The following COL9A1 variants were observed in gnomAD, a reference collection of about 807,000 sequenced individuals.
COL9A1 encodes collagen alpha-1(IX) chain.
A neutral mutation model predicts 142.6 loss-of-function variants in COL9A1; 104 were observed. The observed-to-expected ratio is 0.73, with a 90% CI of 0.62 to 0.86. The LOEUF (loss-of-function observed/expected upper bound fraction) is 0.86. Ranked by LOEUF, COL9A1 falls within the 40% of genes least tolerant of loss-of-function variation. The pLI is 0.00. For synonymous variants in COL9A1, 466 were observed against 396.0 expected (o/e 1.18, Z -2.10); for missense variants, 1,210 against 1,176.6 (o/e 1.03, Z -0.42).
chr6:70,259,134 G>A (rs1397784033), intron 20 of COL9A1, among the ~76,000 whole-genome samples: 1 of 151,422 alleles, frequency 6.6e-6, no homozygotes, highest in Non-Finnish European at 1.5e-5. Flanking sequence ...AAACAGCCTG[G>A]AAAAAAAACA....
At chr6:70,221,167 C>T (rs1768859386) in intron 37 of COL9A1, among the ~76,000 whole-genome samples, 1 of 152,100 alleles carries the variant, frequency 6.6e-6, no homozygotes, top group African/African-American at 2.4e-5. Context: ...TCATGTTACA[C>T]TGATGGAAGC....
Position 70,268,930 on chromosome 6 carries a change from T to A in COL9A1, c.1231-70A>T. 7 of 1,345,498 alleles carry A rather than the reference T, an allele frequency of 5.2e-6. No individual in the cohort carries two copies. The Middle Eastern group carries it at 1.3e-3, about 242-fold the overall frequency. 83.3% of individuals were successfully genotyped at this position (1,345,498 alleles called of 1,614,324 possible). A position where few individuals can be genotyped will look rare whatever the true frequency, so the allele number is the denominator to read the frequency against. On this transcript the variant is annotated intron_variant, in intron 16 of 37. Coordinates refer to ENST00000357250, the MANE Select transcript of COL9A1 (RefSeq NM_001851.6). ...TGCATAAACTAGGACTCCCGCTTTG[T>A]GACAGTATCTTTTTTAAGGGATTCC...
At chr6:70,256,876 G>T in intron 20 of COL9A1, 55 bp from the exon 21 acceptor site, 2 of 1,529,918 alleles carry the variant, frequency 1.3e-6, no homozygotes, top group Admixed American at 3.4e-5. Context: ...TATGTTAAAG[G>T]AAGCATCCAT....
At chr6:70,288,649 G>A (rs1773545992) in intron 5 of COL9A1, among the ~76,000 whole-genome samples, 1 of 152,086 alleles carries the variant, frequency 6.6e-6, no homozygotes, top group Non-Finnish European at 1.5e-5. Context: ...GGAGTTCTCA[G>A]ACATCACACA....
chr6:70,301,137 G>C (rs1774045846), intron 2 of COL9A1, among the ~76,000 whole-genome samples: 1 of 152,168 alleles, frequency 6.6e-6, no homozygotes, highest in Non-Finnish European at 1.5e-5. Flanking sequence ...ATGGAATTGT[G>C]TTCTCCTTAC....
intron 37 of COL9A1, 65 bp from the exon 38 acceptor site, chr6:70,217,146 G>A (rs1242348315): frequency 3.3e-6 from 5 of 1,531,730 alleles, no homozygotes; most frequent in East Asian, 4.5e-5. Flanking sequence ...CTGGCAGAGG[G>A]CATGGCTCAG....
At chr6:70,263,175 A>T in intron 19 of COL9A1, 69 bp downstream of exon 19, 1 of 1,272,084 alleles carries the variant, frequency 7.9e-7, no homozygotes, top group Non-Finnish European at 1.1e-6. Flanking sequence ...AATAGAAAAT[A>T]TTCCAACAGT....
chr6:70,279,967 A>T (rs202044035), intron 10 of COL9A1: 156 of 686,190 alleles, frequency 2.3e-4, no homozygotes, highest in Non-Finnish European at 2.5e-4. Context: ...AACAGACGCC[A>T]TTTCTTACTT....
chr6:70,271,606 T>A, intron 14 of COL9A1, 49 bp downstream of exon 14: 1 of 1,560,410 alleles, frequency 6.4e-7, no homozygotes, highest in African/African-American at 1.4e-5. Flanking sequence ...CCAAATAACA[T>A]CTTCTATTAA....
chr6:70,255,523 C>T, intron 21 of COL9A1, 133 bp from the exon 22 acceptor site: 1 of 772,896 alleles, frequency 1.3e-6, no homozygotes, highest in Non-Finnish European at 2.2e-6. Flanking sequence ...TCAAGGAAGC[C>T]TAGATGAAGA....
chr6:70,267,319 G>GTTTTTTTTTTTTT (rs1050364230), intron 17 of COL9A1, among the ~76,000 whole-genome samples: 2,184 of 98,946 alleles, frequency 0.022, 105 homozygotes, highest in Non-Finnish European at 0.038. Context: ...TGTTTGTTTG[G>GTTTTTTTTTTTTT]TTTTTTTGTT....
chr6:70,300,288 ATAGGG>A lies in COL9A1; in HGVS notation c.166+16_166+20del. 1 of 1,610,452 alleles carries A rather than the reference ATAGGG, an allele frequency of 6.2e-7. No individual in the cohort carries two copies. The highest frequency in any genetic ancestry group is 8.5e-7 in the Non-Finnish European group (1 of 1,176,778). On this transcript the variant is annotated intron_variant, in intron 3 of 37. Coordinates refer to ENST00000357250, the MANE Select transcript of COL9A1 (RefSeq NM_001851.6). Reference sequence around the variant, plus strand: ...GGTTTATAGAAAGCATGCATTTTCAATAGGGTACATTGCTACTCACCTGGTAAGTC... The same window carrying A: ...GGTTTATAGAAAGCATGCATTTTCAATACATTGCTACTCACCTGGTAAGTC...
At chr6:70,245,432 G>A (rs900863918) in intron 28 of COL9A1, among the ~76,000 whole-genome samples, 15 of 152,224 alleles carry the variant, frequency 9.9e-5, no homozygotes, top group Admixed American at 7.2e-4. Context: ...AGGCGTAAAC[G>A]GGTTACCCAT....
At chr6:70,221,344 G>GT (rs1324375194) in intron 37 of COL9A1, among the ~76,000 whole-genome samples, 7 of 152,138 alleles carry the variant, frequency 4.6e-5, no homozygotes, top group Non-Finnish European at 1.5e-5. Context: ...TGTACCAGGA[G>GT]TTTCTTATAT....
At chr6:70,254,795 A>G in intron 24 of COL9A1, 168 bp downstream of exon 24, 2 of 742,226 alleles carry the variant, frequency 2.7e-6, no homozygotes, top group Non-Finnish European at 2.3e-6. Context: ...TAATTATACT[A>G]TTCTAGTAAG....
rs369857085 is a variant in COL9A1, at chr6:70,275,853, T to A, written c.976-1081A>T. Among the ~76,000 whole-genome samples the A allele has an allele frequency of 2.0e-5, 3 of 152,190 alleles. No individual in the cohort carries two copies. In the East Asian group the frequency reaches 5.8e-4, roughly 29 times the overall value. ...GACCCAAACAATATTGACAGAGGGA[T>A]CTCTTGAAAAATATGAAAGCCCTAC... On this transcript the variant is annotated intron_variant, in intron 10 of 37. Coordinates refer to ENST00000357250, the MANE Select transcript of COL9A1 (RefSeq NM_001851.6).
chr6:70,274,660 C>A, intron 11 of COL9A1, 59 bp downstream of exon 11: 1 of 1,371,976 alleles, frequency 7.3e-7, no homozygotes, highest in Non-Finnish European at 1.0e-6. Flanking sequence ...GCAAACACTG[C>A]AATAAAATTA....
chr6:70,293,846 G>A (rs917749521), intron 5 of COL9A1, among the ~76,000 whole-genome samples: 2 of 151,958 alleles, frequency 1.3e-5, no homozygotes, highest in African/African-American at 2.4e-5. Context: ...AAGAAGCATG[G>A]GATTCTTGAC....
chr6:70,249,182 A>T (rs1485668537), intron 28 of COL9A1, among the ~76,000 whole-genome samples: 1 of 151,660 alleles, frequency 6.6e-6, no homozygotes, highest in Admixed American at 6.6e-5. Flanking sequence ...TCCACTGAAG[A>T]TTTTTAAATG....
Sources: allele counts gnomAD v4.1 joint callset (sites outside exome capture counted in the v4.1 genomes callset), GRCh38; gene constraint gnomAD v4.1.1; transcripts MANE v1.5; gene names NCBI Gene and HGNC (gene_info 2026-07-23, HGNC 2026-07-21).